The following CCDC88C variants were observed in gnomAD, a reference collection of about 807,000 sequenced individuals.
CCDC88C encodes coiled-coil and HOOK domain protein 88C.
CCDC88C carries 131 observed loss-of-function variants against 198.8 expected under a neutral mutation model. The observed-to-expected ratio is 0.66, with a 90% CI of 0.57 to 0.76. The LOEUF (loss-of-function observed/expected upper bound fraction) is 0.76, where lower values mean the gene tolerates loss of function less well. Among genes scored for constraint, CCDC88C ranks in the 30% least tolerant of loss-of-function variants. The pLI, the probability that CCDC88C is intolerant of heterozygous loss-of-function variation, is 0.00. For missense variants in CCDC88C, 2,553 were observed against 2,631.6 expected (o/e 0.97, Z 0.65); for synonymous variants, 1,166 against 1,114.7 (o/e 1.05, Z -0.92).
chr14:91,342,473 GT>G lies in CCDC88C; in HGVS notation c.400-11del. 6.5e-7 allele frequency: 1 copy of G among 1,541,996 alleles called. No homozygotes were observed. Among genetic ancestry groups the G allele is most frequent in the Non-Finnish European group, 8.9e-7 (1 of 1,128,760 alleles). On this transcript the variant is annotated splice_polypyrimidine_tract_variant and intron_variant, in intron 5 of 29. Coordinates refer to ENST00000389857, the MANE Select transcript of CCDC88C (RefSeq NM_001080414.4). ...CCTCTTTCCTCTCACACTGCGGAGG[GT>G]TACATGTGTTAATGGAAGCGCTGTT...
At chr14:91,306,920 A>G (rs1891578567) in intron 18 of CCDC88C, 118 bp downstream of exon 18, 1 of 1,126,674 alleles carries the variant, frequency 8.9e-7, no homozygotes, top group Admixed American at 2.9e-5. Flanking sequence ...GTGTCCAACT[A>G]GATCTGGCTA....
chr14:91,388,421 G>A (rs548345477), intron 3 of CCDC88C, among the ~76,000 whole-genome samples: 1 of 152,138 alleles, frequency 6.6e-6, no homozygotes, highest in Non-Finnish European at 1.5e-5. Flanking sequence ...ACAGCCTCCA[G>A]GCCTCAGGTG....
rs186105963 is a variant in CCDC88C, at chr14:91,305,711, A to C, written c.3357+54T>G. The stretch of plus-strand genomic sequence containing the variant: ...TGCCCCCAGTTGGTCCCCAGGAGCC[A>C]CAGATAAACATCCCGCCAGGCTTGT... On this transcript the variant is annotated intron_variant, in intron 19 of 29. Coordinates refer to ENST00000389857, the MANE Select transcript of CCDC88C (RefSeq NM_001080414.4). 2.4e-4 allele frequency: 366 copies of C among 1,550,824 alleles called. 4 individuals carry two copies. In the Admixed American group the frequency reaches 6.5e-3, roughly 28 times the overall value.
intron 29 of CCDC88C, among the ~76,000 whole-genome samples, chr14:91,275,432 C>A (rs150408404): frequency 5.9e-5 from 9 of 152,094 alleles, no homozygotes; most frequent in Admixed American, 2.6e-4. Flanking sequence ...AGCTGTGGGC[C>A]CCCCCAATTT....
chr14:91,324,971 T>G (rs776591797), intron 11 of CCDC88C, 48 bp from the exon 12 acceptor site: 6 of 1,609,252 alleles, frequency 3.7e-6, no homozygotes, highest in Non-Finnish European at 5.1e-6. Flanking sequence ...CAGCTGGAGA[T>G]CCCCCTGGAC....
At chr14:91,349,096 T>A (rs933345836) in intron 4 of CCDC88C, among the ~76,000 whole-genome samples, 1 of 152,334 alleles carries the variant, frequency 6.6e-6, no homozygotes, top group East Asian at 1.9e-4. Flanking sequence ...GATTCCCTCC[T>A]GGGTCCTTGC....
At chr14:91,412,080 T>C (rs1051155726) in intron 2 of CCDC88C, among the ~76,000 whole-genome samples, 2 of 152,028 alleles carry the variant, frequency 1.3e-5, no homozygotes, top group African/African-American at 2.4e-5. Context: ...AGCCCCCAAC[T>C]TTTGGTCATA....
chr14:91,279,627 A>C, intron 27 of CCDC88C: 1 of 225,436 alleles, frequency 4.4e-6, no homozygotes, highest in Non-Finnish European at 8.8e-6. Flanking sequence ...AGACAAAAAA[A>C]AGGCTGTGCT....
At chr14:91,412,977 G>A (rs1439715418) in intron 2 of CCDC88C, among the ~76,000 whole-genome samples, 2 of 152,118 alleles carry the variant, frequency 1.3e-5, no homozygotes, top group African/African-American at 4.8e-5. Flanking sequence ...TGCTTTTTGG[G>A]AGGTAAAGAA....
chr14:91,280,499 T>C (rs1159156620), intron 27 of CCDC88C, among the ~76,000 whole-genome samples: 3 of 152,172 alleles, frequency 2.0e-5, no homozygotes, highest in Non-Finnish European at 4.4e-5. Context: ...CTTAAAAAAA[T>C]AAGTAAATTT....
rs111439430 is a variant in CCDC88C, at chr14:91,360,410, A to G, written c.271-699T>C. Among the ~76,000 whole-genome samples the G allele has an allele frequency of 2.4e-3, 363 of 152,176 alleles. 3 individuals carry two copies. Among genetic ancestry groups the G allele is most frequent in the African/African-American group, 7.7e-3 (321 of 41,504 alleles). ...ATACAGTGAGTTATCACACCACTGC[A>G]CTCCAGCCTGGGGAACAGATGGAGA... On this transcript the variant is annotated intron_variant, in intron 3 of 29. Coordinates refer to ENST00000389857, the MANE Select transcript of CCDC88C (RefSeq NM_001080414.4).
intron 10 of CCDC88C, among the ~76,000 whole-genome samples, chr14:91,328,531 G>A (rs1851240681): frequency 1.3e-5 from 2 of 152,302 alleles, no homozygotes; most frequent in South Asian, 2.1e-4. Context: ...AAACAGCTGA[G>A]GGGACCACAC....
At chr14:91,323,792 A>G (rs1370250096) in intron 12 of CCDC88C, among the ~76,000 whole-genome samples, 1 of 152,234 alleles carries the variant, frequency 6.6e-6, no homozygotes, top group African/African-American at 2.4e-5. Context: ...GGACTTCCAG[A>G]GGCAAGGGAT....
At position 91,339,650 on chromosome 14, in the gene CCDC88C, G is replaced by A. The variant is rs115616767; in HGVS notation, c.625-188C>T. On this transcript the variant is annotated intron_variant, in intron 7 of 29. Transcript: ENST00000389857. This position sits in a 1 kb window ranked among gnomAD's most constrained non-coding sequence, Gnocchi z 5.8. ...GGTGAAATATTTAGTGAAACAAAAG[G>A]GAGTGTACGAAGGAGGAGGGCCCCA... Among the ~76,000 whole-genome samples, 849 of 152,314 alleles carry A rather than the reference G, an allele frequency of 5.6e-3. 5 individuals are homozygous for A. The highest frequency in any genetic ancestry group is 0.02 in the African/African-American group (816 of 41,568).
At chr14:91,400,573 C>G (rs989647600) in intron 3 of CCDC88C, among the ~76,000 whole-genome samples, 1 of 152,222 alleles carries the variant, frequency 6.6e-6, no homozygotes, top group Non-Finnish European at 1.5e-5. Context: ...CACTACGATT[C>G]CCTCAGGCAG....
In CCDC88C at chr14:91,294,634, G is replaced by A. The variant is rs115509510; in HGVS notation, c.3967-316C>T. ...GGCTTAGTACAAATAAAAAGAATAC[G>A]AAAAATCTCATCAATAATGTTTTCG... On this transcript the variant is annotated intron_variant, in intron 22 of 29. Coordinates refer to ENST00000389857, the MANE Select transcript of CCDC88C (RefSeq NM_001080414.4). 6.9e-3 allele frequency among the ~76,000 whole-genome samples: 1,051 copies of A among 152,258 alleles called. 13 individuals are homozygous for A. The highest frequency in any genetic ancestry group is 0.024 in the African/African-American group (1,006 of 41,552).
intron 4 of CCDC88C, among the ~76,000 whole-genome samples, chr14:91,353,790 C>T (rs1215645352): frequency 1.3e-5 from 2 of 152,194 alleles, no homozygotes; most frequent in African/African-American, 2.4e-5. Flanking sequence ...AGGGCCAGGC[C>T]GCTGAACGGC....
intron 10 of CCDC88C, among the ~76,000 whole-genome samples, chr14:91,332,906 G>C (rs1383646080): frequency 2.0e-5 from 3 of 152,224 alleles, no homozygotes; most frequent in Non-Finnish European, 4.4e-5. Context: ...GGTCCACACA[G>C]AAAGCCTCTG....
intron 10 of CCDC88C, among the ~76,000 whole-genome samples, chr14:91,331,086 AAGAGTGGCT>A (rs1251625007): frequency 2.6e-4 from 31 of 120,478 alleles, no homozygotes; most frequent in Admixed American, 1.5e-3. Flanking sequence ...CTTTACTGGC[AAGAGTGGCT>A]TTGGTAAGTG....
Sources: gnomAD v4.1 joint callset for allele counts (sites outside exome capture counted in the v4.1 genomes callset) on GRCh38, gnomAD v4.1.1 for gene constraint, Gnocchi (gnomAD v3.1) non-coding constraint, MANE v1.5 for transcripts, NCBI Gene and HGNC (gene_info 2026-07-23, HGNC 2026-07-21) for gene names.